UGT3A1: variants seen among roughly 807,000 people sequenced by gnomAD.
The protein encoded by UGT3A1 is UDP-glycosyltransferase 3A1.
UGT3A1 carries 40 observed loss-of-function variants against 37.6 expected under a neutral mutation model. That is an observed-to-expected ratio of 1.06 (90% CI 0.83 to 1.38). UGT3A1 has a LOEUF of 1.38. Among genes scored for constraint, UGT3A1 ranks in the 40% most tolerant of loss-of-function variants. UGT3A1 has a pLI of 0.00. For synonymous variants in UGT3A1, 256 were observed against 232.3 expected (o/e 1.10, Z -0.93); for missense variants, 642 against 634.2 (o/e 1.01, Z -0.13).
chr5:35,979,347 G>C (rs1356723407), intron 2 of UGT3A1, among the ~76,000 whole-genome samples: 1 of 152,030 alleles, frequency 6.6e-6, no homozygotes, highest in Non-Finnish European at 1.5e-5. Context: ...TTATAAAACT[G>C]AATGCTTTTA....
rs115086472 is a variant in UGT3A1, at chr5:35,983,345, G to C, written c.196+5105C>G. ...AAGGCACGTAAAACCTACCATGACT[G>C]AGCAATCAAGAAATAGAAAACCTCA... On this transcript the variant is annotated intron_variant, in intron 2 of 6. Transcript: ENST00000274278. Among the ~76,000 whole-genome samples, 497 of 152,178 alleles carry C rather than the reference G, an allele frequency of 3.3e-3. 2 individuals carry two copies. The highest frequency in any genetic ancestry group is 0.011 in the African/African-American group (460 of 41,540).
At chr5:35,969,441 G>C (rs1739946665) in intron 2 of UGT3A1, among the ~76,000 whole-genome samples, 1 of 151,984 alleles carries the variant, frequency 6.6e-6, no homozygotes, top group Non-Finnish European at 1.5e-5. Flanking sequence ...CTCTCAGAAA[G>C]AAACTTACAA....
chr5:35,968,662 C>G (rs987132776), intron 2 of UGT3A1, among the ~76,000 whole-genome samples: 54 of 152,212 alleles, frequency 3.5e-4, no homozygotes, highest in African/African-American at 1.3e-3. Context: ...CCCCACCCCT[C>G]CCCCATCACC....
chr5:35,994,087 G>A (rs1217859598), upstream of UGT3A1, among the ~76,000 whole-genome samples: 3 of 152,076 alleles, frequency 2.0e-5, no homozygotes, highest in Admixed American at 2.0e-4. Flanking sequence ...ATCAAGGAAG[G>A]TGAGCCTGTC....
intron 2 of UGT3A1, among the ~76,000 whole-genome samples, chr5:35,982,778 C>T (rs1248117066): frequency 3.3e-5 from 5 of 152,144 alleles, no homozygotes; most frequent in Non-Finnish European, 5.9e-5. Context: ...AATGACATGG[C>T]TTGGCTTTGT....
chr5:35,982,019 A>T (rs895763303), intron 2 of UGT3A1, among the ~76,000 whole-genome samples: 2 of 152,238 alleles, frequency 1.3e-5, no homozygotes, highest in Non-Finnish European at 2.9e-5. Flanking sequence ...AAGCCCCAAG[A>T]CTTGGTGGTT....
intron 2 of UGT3A1, among the ~76,000 whole-genome samples, chr5:35,970,409 T>C (rs1739989955): frequency 6.8e-6 from 1 of 146,530 alleles, no homozygotes; most frequent in East Asian, 2.0e-4. Context: ...AAAAAAGCCA[T>C]CAGATCTCGT....
At chr5:35,991,034 G>A in intron 1 of UGT3A1, 113 bp downstream of exon 1, 3 of 1,607,178 alleles carry the variant, frequency 1.9e-6, no homozygotes, top group Non-Finnish European at 2.6e-6. Flanking sequence ...AGGTCCGCAA[G>A]CCCAGCCTGG....
chr5:35,968,796 C>A (rs1340678048), intron 2 of UGT3A1, among the ~76,000 whole-genome samples: 1 of 152,136 alleles, frequency 6.6e-6, no homozygotes, highest in East Asian at 1.9e-4. Context: ...TCAACTCATT[C>A]TCCCTTGTTA....
intron 2 of UGT3A1, among the ~76,000 whole-genome samples, chr5:35,987,948 A>G (rs1337967822): frequency 6.6e-6 from 1 of 152,226 alleles, no homozygotes; most frequent in Non-Finnish European, 1.5e-5. Flanking sequence ...CAACTTATGC[A>G]TAGCTACAAA....
Position 35,991,165 on chromosome 5 carries a change from G to A in UGT3A1, c.76C>T (p.Leu26=), listed in dbSNP as rs1254240252. ...CACTCACCCAGTGTAGATATTGTCA[G>A]GATTTTGGCAGCCTCTGAGAGCAGG... ...GVLLSEAAKI[L]TISTLGGSHY... The change falls in exon 1 of 7, where the codon CTG becomes TTG. Residue 26 remains leucine (L), a synonymous_variant. Transcript: ENST00000274278. 1 of 1,614,194 alleles carries A rather than the reference G, an allele frequency of 6.2e-7. No homozygotes were observed. The highest frequency in any genetic ancestry group is 1.7e-5 in the Admixed American group (1 of 60,032).
intron 2 of UGT3A1, among the ~76,000 whole-genome samples, chr5:35,973,724 G>A (rs934406103): frequency 6.6e-6 from 1 of 152,094 alleles, no homozygotes; most frequent in Admixed American, 6.6e-5. Context: ...CTCCTTCATG[G>A]GTCAGAAATT....
intron 2 of UGT3A1, among the ~76,000 whole-genome samples, chr5:35,986,462 T>G (rs1243446732): frequency 6.6e-6 from 1 of 152,164 alleles, no homozygotes; most frequent in Non-Finnish European, 1.5e-5. Context: ...AAAATGTGAT[T>G]TAAATCCACA....
At chr5:35,968,235 T>C (rs563064132) in intron 2 of UGT3A1, 102 bp from the exon 3 acceptor site, 2 of 723,344 alleles carry the variant, frequency 2.8e-6, no homozygotes, top group South Asian at 4.5e-5. Flanking sequence ...TTTACATTTA[T>C]GGAAATGTTT....
Position 35,955,841 on chromosome 5 carries a change from C to CAA in UGT3A1, c.1097_1098dup (p.Val367LeufsTer10), listed in dbSNP as rs368671400. On this transcript the variant is annotated frameshift_variant, in exon 6 of 7. Transcript: ENST00000274278. LOFTEE classifies it high-confidence loss of function. ...ACGCTGTTCTGCCCACCATGAGTGACAAAAAGACGGATGCTGGGGTGAGCT... is the reference window on the plus strand; with the variant it reads ...ACGCTGTTCTGCCCACCATGAGTGACAAAAAAAGACGGATGCTGGGGTGAGCT... The CAA allele has an allele frequency of 6.2e-7, 1 of 1,614,076 alleles. No individual in the cohort carries two copies. Among genetic ancestry groups the CAA allele is most frequent in the Non-Finnish European group, 8.5e-7 (1 of 1,179,986 alleles).
At chr5:35,981,366 C>T in intron 2 of UGT3A1, among the ~76,000 whole-genome samples, 1 of 152,082 alleles carries the variant, frequency 6.6e-6, no homozygotes, top group Non-Finnish European at 1.5e-5. Flanking sequence ...TGATTTTGAC[C>T]AAAATGCTGA....
chr5:35,979,169 C>T (rs923090370), intron 2 of UGT3A1, among the ~76,000 whole-genome samples: 5 of 151,694 alleles, frequency 3.3e-5, no homozygotes, highest in African/African-American at 1.2e-4. Flanking sequence ...CACAGACATG[C>T]CCTGGAGACA....
At chr5:35,988,009 T>C (rs1408301470) in intron 2 of UGT3A1, among the ~76,000 whole-genome samples, 3 of 152,216 alleles carry the variant, frequency 2.0e-5, no homozygotes, top group Admixed American at 2.0e-4. Context: ...TCTTAGTTAA[T>C]AATTAAGAGG....
chr5:35,998,753 C>G (rs1741151649), intron 1 of UGT3A1, among the ~76,000 whole-genome samples: 1 of 152,120 alleles, frequency 6.6e-6, no homozygotes, highest in Non-Finnish European at 1.5e-5. Context: ...TAATTGAAGC[C>G]GGTCCTCTTC....
Sources: gnomAD v4.1 joint callset for allele counts (sites outside exome capture counted in the v4.1 genomes callset) on GRCh38, gnomAD v4.1.1 for gene constraint, MANE v1.5 for transcripts, NCBI Gene and HGNC (gene_info 2026-07-23, HGNC 2026-07-21) for gene names.